CFAP299: variants seen among roughly 807,000 people sequenced by gnomAD.
CFAP299 encodes the protein cilia and flagella associated protein 299, also known as cilia- and flagella-associated protein 299.
A neutral mutation model predicts 27.0 loss-of-function variants in CFAP299; 21 were observed. The observed-to-expected ratio is 0.78, with a 90% CI of 0.55 to 1.12. The LOEUF (loss-of-function observed/expected upper bound fraction) is 1.12, where lower values mean the gene tolerates loss of function less well. Ranked by LOEUF, CFAP299 falls within the 50% of genes most tolerant of loss-of-function variation. The pLI, the probability that CFAP299 is intolerant of heterozygous loss-of-function variation, is 0.00. For missense variants in CFAP299, 310 were observed against 276.6 expected, an observed-to-expected ratio of 1.12 and a Z score of -0.86; for synonymous variants, 104 against 98.1, an observed-to-expected ratio of 1.06 and a Z score of -0.36.
intron 2 of CFAP299, among the ~76,000 whole-genome samples, chr4:80,470,176 T>C (rs1208901257): frequency 6.6e-6 from 1 of 152,178 alleles, no homozygotes; most frequent in Non-Finnish European, 1.5e-5. Flanking sequence ...TCTGCCACCT[T>C]GGACATGTTA....
intron 2 of CFAP299, among the ~76,000 whole-genome samples, chr4:80,519,399 G>A (rs1289425319): frequency 6.6e-6 from 1 of 152,042 alleles, no homozygotes; most frequent in Non-Finnish European, 1.5e-5. Context: ...TATAGACGGA[G>A]TTTCACCATG....
At chr4:80,528,281 G>A (rs1027902591) in intron 2 of CFAP299, among the ~76,000 whole-genome samples, 14 of 151,502 alleles carry the variant, frequency 9.2e-5, no homozygotes, top group Non-Finnish European at 1.8e-4. Context: ...TCTATTTACC[G>A]AATATTTCCT....
intron 3 of CFAP299, among the ~76,000 whole-genome samples, chr4:80,762,624 T>C (rs765886028): frequency 6.6e-6 from 1 of 152,132 alleles, no homozygotes; most frequent in Non-Finnish European, 1.5e-5. Context: ...TTGTACTGGG[T>C]CCTTTCTGTA....
At chr4:80,810,098 G>T (rs570209348) in intron 3 of CFAP299, among the ~76,000 whole-genome samples, 139 of 152,102 alleles carry the variant, frequency 9.1e-4, no homozygotes, top group African/African-American at 3.2e-3. Context: ...TAGTGTTCTT[G>T]TTGTTTATTG....
At chr4:80,945,036 T>C (rs1737402517) in intron 5 of CFAP299, 97 bp downstream of exon 5, 3 of 1,189,796 alleles carry the variant, frequency 2.5e-6, no homozygotes, top group African/African-American at 1.5e-5. Context: ...CACTCTTAAG[T>C]TGTTAAATTT....
At chr4:80,699,744 ACTT>A (rs1246962781) in intron 3 of CFAP299, among the ~76,000 whole-genome samples, 2 of 152,154 alleles carry the variant, frequency 1.3e-5, no homozygotes, top group Non-Finnish European at 2.9e-5. Flanking sequence ...ACATGCCTGA[ACTT>A]CTGCCCTGGA....
intron 3 of CFAP299, among the ~76,000 whole-genome samples, chr4:80,809,120 T>C (rs1426624694): frequency 6.6e-6 from 1 of 152,116 alleles, no homozygotes; most frequent in Non-Finnish European, 1.5e-5. Context: ...GCCAACAAAC[T>C]ATTTATAGCT....
rs150609456 is a variant in CFAP299, at chr4:80,791,213, T to TA, written c.334-78770dup. Among the ~76,000 whole-genome samples the TA allele has an allele frequency of 7.2e-3, 1,077 of 148,616 alleles. 8 individuals carry two copies. The highest frequency in any genetic ancestry group is 9.1e-3 in the South Asian group (43 of 4,704). On this transcript the variant is annotated intron_variant, in intron 3 of 5. Transcript: ENST00000358105. Reference sequence around the variant, plus strand: ...CAAGTCTCCTTTTGTTCCATGAAAATAAAAAAAAAATCCCTATTATGGATA... The same window carrying TA: ...CAAGTCTCCTTTTGTTCCATGAAAATAAAAAAAAAAATCCCTATTATGGATA...
chr4:80,767,077 A>G (rs190956170), intron 3 of CFAP299, among the ~76,000 whole-genome samples: 9 of 152,278 alleles, frequency 5.9e-5, no homozygotes, highest in African/African-American at 2.2e-4. Flanking sequence ...ACTGAACCCT[A>G]TATGTACTAT....
chr4:80,947,299 A>C (rs916662423), intron 5 of CFAP299, among the ~76,000 whole-genome samples: 1 of 152,216 alleles, frequency 6.6e-6, no homozygotes, highest in Non-Finnish European at 1.5e-5. Flanking sequence ...GACATACAAC[A>C]ACATTTGGAT....
chr4:80,762,733 G>A (rs920536155), intron 3 of CFAP299, among the ~76,000 whole-genome samples: 13 of 152,092 alleles, frequency 8.5e-5, no homozygotes, highest in African/African-American at 3.1e-4. Context: ...AGCTCCCTGT[G>A]GGAACTGTCT....
chr4:80,883,177 TGA>T (rs770193437), intron 4 of CFAP299, among the ~76,000 whole-genome samples: 1 of 152,124 alleles, frequency 6.6e-6, no homozygotes, highest in Non-Finnish European at 1.5e-5. Flanking sequence ...GAAGAAAAGT[TGA>T]GAGTTTTTGT....
intron 3 of CFAP299, among the ~76,000 whole-genome samples, chr4:80,864,599 TAA>T (rs1732610864): frequency 6.6e-6 from 1 of 150,382 alleles, no homozygotes. Context: ...TCAAATTATA[TAA>T]AAAGTTTTAA....
chr4:80,767,778 T>A (rs1725977996), intron 3 of CFAP299, among the ~76,000 whole-genome samples: 1 of 152,202 alleles, frequency 6.6e-6, no homozygotes, highest in Non-Finnish European at 1.5e-5. Flanking sequence ...TTCTTCTAAC[T>A]TTCATCACCT....
intron 3 of CFAP299, among the ~76,000 whole-genome samples, chr4:80,800,763 G>GTATACATATA (rs1438042749): frequency 7.6e-6 from 1 of 130,758 alleles, no homozygotes; most frequent in African/African-American, 3.0e-5. Context: ...GTGTGTGTGT[G>GTATACATATA]TGTGTATATA....
intron 2 of CFAP299, among the ~76,000 whole-genome samples, chr4:80,483,841 TTAAA>T (rs1730682906): frequency 6.6e-6 from 1 of 152,172 alleles, no homozygotes; most frequent in Non-Finnish European, 1.5e-5. Flanking sequence ...TCTTTTACAC[TTAAA>T]TACTTAGAAC....
chr4:80,677,363 C>T (rs866604912), intron 3 of CFAP299, among the ~76,000 whole-genome samples: 28 of 151,928 alleles, frequency 1.8e-4, no homozygotes, highest in Admixed American at 1.5e-3. Flanking sequence ...GTTTCTCCTA[C>T]TTTCATACTC....
At chr4:80,725,755 T>TTGTGGTCC (rs991990420) in intron 3 of CFAP299, among the ~76,000 whole-genome samples, 3 of 152,182 alleles carry the variant, frequency 2.0e-5, no homozygotes, top group Non-Finnish European at 4.4e-5. Flanking sequence ...GGTTTTCCCT[T>TTGTGGTCC]TGTGGTCCTG....
chr4:80,922,751 T>C (rs1383665738), intron 4 of CFAP299, among the ~76,000 whole-genome samples: 1 of 151,420 alleles, frequency 6.6e-6, no homozygotes, highest in Non-Finnish European at 1.5e-5. Flanking sequence ...GAATATAAGG[T>C]ATAAACAAGA....
Sources: allele counts gnomAD v4.1 joint callset (sites outside exome capture counted in the v4.1 genomes callset), GRCh38; gene constraint gnomAD v4.1.1; transcripts MANE v1.5; gene names NCBI Gene and HGNC (gene_info 2026-07-23, HGNC 2026-07-21).